The following RDH14 variants were observed in gnomAD, a reference collection of about 807,000 sequenced individuals.
The protein encoded by RDH14 is alcohol dehydrogenase PAN2.
A neutral mutation model predicts 19.3 loss-of-function variants in RDH14; 17 were observed. The ratio of observed to expected loss-of-function variants is 0.88; its 90% CI spans 0.60 to 1.32. The LOEUF is 1.32. Ranked by LOEUF, RDH14 falls within the 40% of genes most tolerant of loss-of-function variation. RDH14 has a pLI of 0.00. For synonymous variants in RDH14, 215 were observed against 188.9 expected (o/e 1.14, Z -1.13); for missense variants, 534 against 449.2 (o/e 1.19, Z -1.71).
chr2:18,560,653 C>T lies in RDH14; in HGVS notation c.-81G>A, dbSNP rs1199014687. ...ACCGGAACCCAAGAGACCACCTGTACGCGGAGAACGCTGGGGCGCGGCGGG... is the reference window on the plus strand; with the variant it reads ...ACCGGAACCCAAGAGACCACCTGTATGCGGAGAACGCTGGGGCGCGGCGGG... On this transcript the variant is annotated 5_prime_UTR_variant, in exon 1 of 2. Transcript: ENST00000381249. 7.4e-7 allele frequency: 1 copy of T among 1,357,092 alleles called. No individual in the cohort carries two copies. 84.1% of individuals were successfully genotyped at this position (1,357,092 alleles called of 1,614,324 possible).
rs764142386 is a variant in RDH14 at position 18,555,543 on chromosome 2, C to T, written c.659G>A (p.Ser220Asn). Residue 220 changes from serine (S) to asparagine (N), a missense_variant, in exon 2 of 2, where the codon AGC (serine) becomes AAC (asparagine). Ser to Asn is a conservative substitution (Grantham distance 46). Transcript: ENST00000381249. The stretch of plus-strand genomic sequence containing the variant: ...GGTAAAAAGAATGTTAGCCAGTTTG[C>T]TCCGGCTATAACAAAAGCTTTTATT... ...SYNKSFCYSR[S>N]KLANILFTRE... The T allele has an allele frequency of 1.2e-6, 2 of 1,614,148 alleles. No homozygotes were observed. Among genetic ancestry groups the T allele is most frequent in the South Asian group, 2.2e-5 (2 of 91,078 alleles).
In RDH14 at chr2:18,560,643, A is replaced by C; in HGVS notation, c.-71T>G. On this transcript the variant is annotated 5_prime_UTR_variant, in exon 1 of 2. Coordinates refer to ENST00000381249, the MANE Select transcript of RDH14 (RefSeq NM_020905.4). ...CCGCCGCCTTACCGGAACCCAAGAG[A>C]CCACCTGTACGCGGAGAACGCTGGG... The C allele has an allele frequency of 7.3e-7, 1 of 1,367,128 alleles. No homozygotes were observed. The highest frequency in any genetic ancestry group is 1.7e-5 in the South Asian group (1 of 58,158). The allele number at this position is 1,367,128 out of a possible 1,614,324, so 84.7% of individuals were successfully genotyped here. A position where few individuals can be genotyped will look rare whatever the true frequency, so the allele number is the denominator to read the frequency against.
At position 18,554,783 on chromosome 2, in the gene RDH14, T is replaced by G. The variant is rs566367125; in HGVS notation, c.*408A>C. Reference sequence around the variant, plus strand: ...GACTTGTGTGCACACACCAGGCAGATAATTTCCACACAAACACCAAACATT... The same window carrying G: ...GACTTGTGTGCACACACCAGGCAGAGAATTTCCACACAAACACCAAACATT... On this transcript the variant is annotated 3_prime_UTR_variant, in exon 2 of 2. Coordinates refer to ENST00000381249, the MANE Select transcript of RDH14 (RefSeq NM_020905.4). 1 of 182,078 alleles carries G rather than the reference T, an allele frequency of 5.5e-6. No individual in the cohort carries two copies. The highest frequency in any genetic ancestry group is 1.2e-4 in the South Asian group (1 of 8,652). The allele number at this position is 182,078 out of a possible 1,614,324, so 11.3% of individuals were successfully genotyped here. A position where few individuals can be genotyped will look rare whatever the true frequency, so the allele number is the denominator to read the frequency against.
intron 1 of RDH14, among the ~76,000 whole-genome samples, chr2:18,559,961 G>A (rs527896158): frequency 6.6e-6 from 1 of 152,226 alleles, no homozygotes; most frequent in South Asian, 2.1e-4. Flanking sequence ...ATCCTTAGAG[G>A]ACAGAAGGCA....
chr2:18,556,621 T>A (rs1011799159), intron 1 of RDH14, among the ~76,000 whole-genome samples: 3 of 152,174 alleles, frequency 2.0e-5, no homozygotes, highest in African/African-American at 7.2e-5. Context: ...AACTCCTAAG[T>A]AGCAAAATAA....
chr2:18,560,013 T>C (rs1012286112), intron 1 of RDH14, among the ~76,000 whole-genome samples, 167 bp downstream of exon 1: 2 of 152,058 alleles, frequency 1.3e-5, no homozygotes, highest in African/African-American at 4.8e-5. Context: ...ACCCTGCAGC[T>C]TCCCGGCCGC....
intron 1 of RDH14, among the ~76,000 whole-genome samples, chr2:18,558,439 C>G (rs969063044): frequency 6.6e-6 from 1 of 152,160 alleles, no homozygotes. Context: ...TAAAGTCAAG[C>G]TGGGAACTGC....
Position 18,560,347 on chromosome 2 carries a change from C to A in RDH14, c.226G>T (p.Asp76Tyr), listed in dbSNP as rs918532564. 5 of 1,418,278 alleles carry A rather than the reference C, an allele frequency of 3.5e-6. No homozygotes were observed. The highest frequency in any genetic ancestry group is 4.5e-6 in the Non-Finnish European group (5 of 1,099,132). The allele number at this position is 1,418,278 out of a possible 1,614,324, so 87.9% of individuals were successfully genotyped here. A position where few individuals can be genotyped will look rare whatever the true frequency, so the allele number is the denominator to read the frequency against. ...GCCGCCTCCTCGGCGCGCGCGCGGT[C>A]CCGGCAGCCCATGATCACCCGCGCT... is the stretch of plus-strand genomic sequence containing the variant. ...LGARVIMGCR[D>Y]RARAEEAAGQ... The change falls in exon 1 of 2, where the codon GAC (aspartate) becomes TAC (tyrosine). Residue 76 changes from aspartate to tyrosine, a missense_variant. Coordinates refer to ENST00000381249, the MANE Select transcript of RDH14 (RefSeq NM_020905.4).
In RDH14 at chr2:18,554,938, CAATAT is replaced by C. The variant is rs1663867600; in HGVS notation, c.*248_*252del. On this transcript the variant is annotated 3_prime_UTR_variant, in exon 2 of 2. Transcript: ENST00000381249. ...CCATGCTTGCCCAGTTATAATTTTA[CAATAT>C]AATTGTATTTTTCATTGTACTTATT... 2.4e-5 allele frequency: 9 copies of C among 368,198 alleles called. No homozygotes were observed. The South Asian group carries it at 4.5e-4, about 18-fold the overall frequency. 22.8% of individuals were successfully genotyped at this position (368,198 alleles called of 1,614,324 possible).
At chr2:18,559,317 T>C (rs765495875) in intron 1 of RDH14, among the ~76,000 whole-genome samples, 1 of 152,204 alleles carries the variant, frequency 6.6e-6, no homozygotes, top group Non-Finnish European at 1.5e-5. Flanking sequence ...CACACCTCAC[T>C]GCCAGGCAGC....
chr2:18,555,084 A>T lies in RDH14; in HGVS notation c.*107T>A. 1 of 1,497,904 alleles carries T rather than the reference A, an allele frequency of 6.7e-7. No individual in the cohort carries two copies. Among genetic ancestry groups the T allele is most frequent in the Admixed American group, 2.2e-5 (1 of 44,860 alleles). The allele number at this position is 1,497,904 out of a possible 1,614,324, so 92.8% of individuals were successfully genotyped here. A position where few individuals can be genotyped will look rare whatever the true frequency, so the allele number is the denominator to read the frequency against. On this transcript the variant is annotated 3_prime_UTR_variant, in exon 2 of 2. Coordinates refer to ENST00000381249, the MANE Select transcript of RDH14 (RefSeq NM_020905.4). ...ATGTACCTCTTAGCAGGCTATTCCAATATCAAAATTCTTTTTCTTCAAGTA... is the reference window on the plus strand; with the variant it reads ...ATGTACCTCTTAGCAGGCTATTCCATTATCAAAATTCTTTTTCTTCAAGTA...
In RDH14 at chr2:18,560,412, C is replaced by T. The variant is rs1354684799; in HGVS notation, c.161G>A (p.Gly54Asp). The T allele has an allele frequency of 1.6e-5, 24 of 1,500,368 alleles. No individual in the cohort carries two copies. The highest frequency in any genetic ancestry group is 1.8e-5 in the Non-Finnish European group (20 of 1,133,812). 92.9% of individuals were successfully genotyped at this position (1,500,368 alleles called of 1,614,324 possible). A position where few individuals can be genotyped will look rare whatever the true frequency, so the allele number is the denominator to read the frequency against. ...CTCGGCGGCCGTGGCGCGGCCCAGG[C>T]CGCTGTTCGCCCCGGTGATCAGCAC... ...KTVLITGANS[G>D]LGRATAAELL... Residue 54 changes from glycine (G) to aspartate (D), a missense_variant, in exon 1 of 2, where the codon GGC becomes GAC. Coordinates refer to ENST00000381249, the MANE Select transcript of RDH14 (RefSeq NM_020905.4).
chr2:18,555,718 C>G lies in RDH14; in HGVS notation c.484G>C (p.Gly162Arg), dbSNP rs759709347. ...KTEDGFEMQF[G>R]VNHLGHFLLT... ...AGAAAGTGCCCCAGATGGTTCACTC[C>G]GAACTGCATCTCAAACCCATCTTCA... Residue 162 changes from glycine (G) to arginine (R), a missense_variant, in exon 2 of 2, where the codon GGA (glycine) becomes CGA (arginine). Physicochemically the swap from Gly to Arg is moderately radical, Grantham distance 125. Coordinates refer to ENST00000381249, the MANE Select transcript of RDH14 (RefSeq NM_020905.4). 19 of 1,613,930 alleles carry G rather than the reference C, an allele frequency of 1.2e-5. No homozygotes were observed. Among genetic ancestry groups the G allele is most frequent in the Non-Finnish European group, 5.1e-6 (6 of 1,179,952 alleles).
In RDH14 at chr2:18,560,584, A is replaced by G; in HGVS notation, c.-12T>C. The G allele has an allele frequency of 7.0e-7, 1 of 1,423,914 alleles. No individual in the cohort carries two copies. The highest frequency in any genetic ancestry group is 9.1e-7 in the Non-Finnish European group (1 of 1,100,230). The allele number at this position is 1,423,914 out of a possible 1,614,324, so 88.2% of individuals were successfully genotyped here. A position where few individuals can be genotyped will look rare whatever the true frequency, so the allele number is the denominator to read the frequency against. ...GTGGCCACTGCCATCGTCAGGCCCG[A>G]GGGCCCACCGGCCCCTCCACGGGAG... On this transcript the variant is annotated 5_prime_UTR_variant, in exon 1 of 2. Transcript: ENST00000381249.
intron 1 of RDH14, among the ~76,000 whole-genome samples, chr2:18,556,950 G>T (rs560573124): frequency 6.6e-6 from 1 of 152,168 alleles, no homozygotes; most frequent in East Asian, 1.9e-4. Flanking sequence ...ACACTGGAGA[G>T]AACATCATGA....
At chr2:18,558,347 C>G (rs534532455) in intron 1 of RDH14, among the ~76,000 whole-genome samples, 4 of 152,266 alleles carry the variant, frequency 2.6e-5, no homozygotes, top group African/African-American at 9.6e-5. Flanking sequence ...CAAATAGCTA[C>G]TAAGTTGTTA....
chr2:18,560,288 C>T lies in RDH14; in HGVS notation c.285G>A (p.Ala95=), dbSNP rs576614591. ...TGACGCCAGGCTCTGGGCCGCACTC[C>T]GCGGCCTGGCGGAGCTCGCGGCGGA... ...GQLRRELRQA[A]ECGPEPGVSG... is the part of the protein sequence containing the mutation. The change falls in exon 1 of 2, where the codon GCG becomes GCA. Residue 95 remains alanine (A), a synonymous_variant. Coordinates refer to ENST00000381249, the MANE Select transcript of RDH14 (RefSeq NM_020905.4). The T allele has an allele frequency of 8.0e-6, 12 of 1,492,068 alleles. No individual in the cohort carries two copies. In the South Asian group the frequency reaches 1.2e-4, roughly 15 times the overall value. 92.4% of individuals were successfully genotyped at this position (1,492,068 alleles called of 1,614,324 possible).
At position 18,560,273 on chromosome 2, in the gene RDH14, C is replaced by A. The variant is rs183426822; in HGVS notation, c.300G>T (p.Glu100Asp). The A allele has an allele frequency of 1.3e-6, 2 of 1,507,722 alleles. No homozygotes were observed. The highest frequency in any genetic ancestry group is 2.9e-5 in the African/African-American group (2 of 69,382). The allele number at this position is 1,507,722 out of a possible 1,614,324, so 93.4% of individuals were successfully genotyped here. ...GCTCGCCCACCCCGCTGACGCCAGG[C>A]TCTGGGCCGCACTCCGCGGCCTGGC... Reference protein sequence around the residue: ...ELRQAAECGPEPGVSGVGELI... With the variant: ...ELRQAAECGPDPGVSGVGELI... Residue 100 changes from glutamate to aspartate, a missense_variant, in exon 1 of 2, where the codon GAG becomes GAT. Glu to Asp is a conservative substitution (Grantham distance 45, BLOSUM62 2). Transcript: ENST00000381249.
intron 1 of RDH14, 34 bp downstream of exon 1, chr2:18,560,146 C>A: frequency 6.6e-7 from 1 of 1,517,326 alleles, no homozygotes; most frequent in Non-Finnish European, 8.8e-7. Flanking sequence ...GTGCCCAGGC[C>A]CTCCCCACCA....
Sources: gnomAD v4.1 joint callset for allele counts (sites outside exome capture counted in the v4.1 genomes callset) on GRCh38, gnomAD v4.1.1 for gene constraint, MANE v1.5 for transcripts, NCBI Gene and HGNC (gene_info 2026-07-23, HGNC 2026-07-21) for gene names.